BACH2: variants seen among roughly 807,000 people sequenced by gnomAD.
BACH2 encodes the protein transcription regulator protein BACH2.
In BACH2, 5 loss-of-function variants were observed where a neutral mutation model predicts 61.8. That is an observed-to-expected ratio of 0.08 (90% confidence interval 0.04 to 0.17). The LOEUF is 0.17. BACH2 is among the 10% of genes least tolerant of loss of function. The probability of loss-of-function intolerance (pLI) is 1.00; values close to 1 mark genes in which losing one functional copy is unlikely to be tolerated. For synonymous variants in BACH2, 446 were observed against 440.1 expected (o/e 1.01, Z -0.17); for missense variants, 824 against 1,091.1 (o/e 0.76, Z 3.45).
chr6:90,136,397 G>C (rs1442644863), intron 4 of BACH2, among the ~76,000 whole-genome samples: 1 of 152,182 alleles, frequency 6.6e-6, no homozygotes, highest in Non-Finnish European at 1.5e-5. Flanking sequence ...CGGAATCTCT[G>C]ACAAATCATT....
chr6:90,008,646 C>T lies in BACH2; in HGVS notation c.199G>A (p.Val67Ile), dbSNP rs748584222. 1 of 1,614,232 alleles carries T rather than the reference C, an allele frequency of 6.2e-7. No homozygotes were observed. Among genetic ancestry groups the T allele is most frequent in the Non-Finnish European group, 8.5e-7 (1 of 1,180,040 alleles). Reference sequence around the variant, plus strand: ...ACCAAATCATTTTTTGTCTGTCCAACCAGCGCCTGCCAAAAATATTCACTG... The same window carrying T: ...ACCAAATCATTTTTTGTCTGTCCAATCAGCGCCTGCCAAAAATATTCACTG... ...ACSEYFWQAL[V>I]GQTKNDLVVS... Residue 67 changes from valine to isoleucine, a missense_variant, in exon 6 of 9, where the codon GTT becomes ATT. Physicochemically the swap from Val to Ile is conservative, Grantham distance 29. Transcript: ENST00000257749. The surrounding 1 kb of genome is among the most constrained non-coding windows in gnomAD (Gnocchi z 4.1).
chr6:90,185,307 G>T (rs1768317296), intron 4 of BACH2, among the ~76,000 whole-genome samples: 1 of 151,996 alleles, frequency 6.6e-6, no homozygotes, highest in Non-Finnish European at 1.5e-5. Flanking sequence ...CTGTTTCAGG[G>T]GACCGAAAGC....
chr6:90,050,830 C>T (rs369728907), intron 5 of BACH2, among the ~76,000 whole-genome samples: 16 of 150,926 alleles, frequency 1.1e-4, no homozygotes, highest in South Asian at 6.3e-4. Flanking sequence ...AGTGCAATGG[C>T]GCGATCTCGG....
At chr6:90,007,605 G>A (rs1163101516) in intron 6 of BACH2, among the ~76,000 whole-genome samples, 1 of 152,142 alleles carries the variant, frequency 6.6e-6, no homozygotes. Flanking sequence ...TGTGACTTCT[G>A]TGATTTAATA....
chr6:90,102,827 TAATAATAATAATAAA>T (rs1782710495), intron 4 of BACH2, among the ~76,000 whole-genome samples: 1 of 137,256 alleles, frequency 7.3e-6, no homozygotes, highest in African/African-American at 2.8e-5. Context: ...ATAATAATAA[TAATAATAATAATAAA>T]AATAAAAGGA....
rs200345717 is a variant in BACH2, at chr6:90,018,422, T to C, written c.-12-9566A>G. Among the ~76,000 whole-genome samples the C allele has an allele frequency of 2.5e-3, 376 of 152,348 alleles. 2 individuals are homozygous for C. The highest frequency in any genetic ancestry group is 0.014 in the Middle Eastern group (4 of 294). On this transcript the variant is annotated intron_variant, in intron 5 of 8. Coordinates refer to ENST00000257749, the MANE Select transcript of BACH2 (RefSeq NM_021813.4). ...CCTAGAAACTCTCAAAGCAGTATGCTGAGTTCAGTTTGTTTTCCTTTCCTG... is the reference window on the plus strand; with the variant it reads ...CCTAGAAACTCTCAAAGCAGTATGCCGAGTTCAGTTTGTTTTCCTTTCCTG...
intron 7 of BACH2, among the ~76,000 whole-genome samples, chr6:89,949,011 G>C (rs1486177560): frequency 6.6e-6 from 1 of 152,150 alleles, no homozygotes; most frequent in Non-Finnish European, 1.5e-5. Context: ...AGGGGCCTTT[G>C]GCATCTATTT....
intron 4 of BACH2, among the ~76,000 whole-genome samples, chr6:90,131,787 A>C (rs569731502): frequency 6.6e-6 from 1 of 152,322 alleles, no homozygotes; most frequent in South Asian, 2.1e-4. Flanking sequence ...AGGGAACCCA[A>C]ATGATGAGGT....
At chr6:89,982,729 T>C (rs1164345686) in intron 6 of BACH2, among the ~76,000 whole-genome samples, 1 of 152,178 alleles carries the variant, frequency 6.6e-6, no homozygotes, top group Non-Finnish European at 1.5e-5. Context: ...TGAGGTATTA[T>C]GATTCTTATT....
chr6:90,015,790 G>C, intron 5 of BACH2, among the ~76,000 whole-genome samples: 1 of 152,148 alleles, frequency 6.6e-6, no homozygotes, highest in East Asian at 1.9e-4. Context: ...TGTATGATGA[G>C]TGTTGTTCAA....
rs773007535 is a variant in BACH2 at position 89,932,530 on chromosome 6, C to T, written c.2404G>A (p.Gly802Arg). 6.2e-7 allele frequency: 1 copy of T among 1,614,026 alleles called. No individual in the cohort carries two copies. The highest frequency in any genetic ancestry group is 8.5e-7 in the Non-Finnish European group (1 of 1,180,006). The change falls in exon 9 of 9, where the codon GGA becomes AGA. Residue 802 changes from glycine (G) to arginine (R), a missense_variant. Around this residue, in one of 8 missense-constraint regions of BACH2, gnomAD observed 135 missense variants for 142.7 expected, o/e 0.95. Transcript: ENST00000257749. ...SGRRLEGTDPGTFSERGPPLE... is the reference protein window; with the variant it reads ...SGRRLEGTDPRTFSERGPPLE... The stretch of plus-strand genomic sequence containing the variant: ...GGAGGTCCTCTCTCTGAGAAGGTTC[C>T]CGGGTCAGTGCCTTCTAGTCTCCTC...
At chr6:89,935,799 G>A (rs182711296) in intron 8 of BACH2, among the ~76,000 whole-genome samples, 7 of 152,292 alleles carry the variant, frequency 4.6e-5, no homozygotes, top group Admixed American at 4.6e-4. Flanking sequence ...GTGGGTGACT[G>A]AAGTTATTTT....
chr6:89,967,529 C>G (rs1775108673), intron 6 of BACH2, among the ~76,000 whole-genome samples: 1 of 152,162 alleles, frequency 6.6e-6, no homozygotes, highest in Non-Finnish European at 1.5e-5. Flanking sequence ...ACTATTATAG[C>G]AAGAAATGTC....
At chr6:90,189,381 G>T (rs1406471586) in intron 4 of BACH2, among the ~76,000 whole-genome samples, 2 of 151,784 alleles carry the variant, frequency 1.3e-5, no homozygotes, top group Non-Finnish European at 2.9e-5. Flanking sequence ...GGCCGAGGCG[G>T]GTGGATCATG....
At chr6:90,041,210 G>A (rs2127791202) in intron 5 of BACH2, among the ~76,000 whole-genome samples, 1 of 152,164 alleles carries the variant, frequency 6.6e-6, no homozygotes, top group East Asian at 1.9e-4. Context: ...CCAGTAATGG[G>A]ACTGCTGGGC....
Position 89,929,831 on chromosome 6 carries a change from A to G in BACH2, c.*2577T>C, listed in dbSNP as rs895919902. 1 of 152,340 alleles carries G rather than the reference A, an allele frequency of 6.6e-6. No homozygotes were observed. Among genetic ancestry groups the G allele is most frequent in the Non-Finnish European group, 1.5e-5 (1 of 68,054 alleles). 9.4% of individuals were successfully genotyped at this position (152,340 alleles called of 1,614,324 possible). On this transcript the variant is annotated 3_prime_UTR_variant, in exon 9 of 9. Coordinates refer to ENST00000257749, the MANE Select transcript of BACH2 (RefSeq NM_021813.4). ...CCAAGAAGCTGGGTTGGACCTGGTT[A>G]TGATATGAGCAGAAAGTGTTCTTTT...
intron 5 of BACH2, among the ~76,000 whole-genome samples, chr6:90,086,293 T>C (rs759687548): frequency 1.3e-5 from 2 of 152,190 alleles, no homozygotes; most frequent in Non-Finnish European, 2.9e-5. Flanking sequence ...GCTATGAACA[T>C]GGTTGTACAC....
intron 4 of BACH2, among the ~76,000 whole-genome samples, chr6:90,107,840 C>T (rs999667909): frequency 5.9e-5 from 9 of 152,030 alleles, no homozygotes; most frequent in Non-Finnish European, 1.3e-4. Flanking sequence ...AAGGGAATTT[C>T]TTTTTATCAT....
intron 4 of BACH2, among the ~76,000 whole-genome samples, chr6:90,111,281 C>CA (rs142581858): frequency 1.3e-5 from 2 of 152,074 alleles, no homozygotes; most frequent in African/African-American, 2.4e-5. Context: ...CCCGGGCTTG[C>CA]AAAAAAGCCT....
Sources: allele counts gnomAD v4.1 joint callset (sites outside exome capture counted in the v4.1 genomes callset), GRCh38; gene constraint gnomAD v4.1.1; regional missense constraint gnomAD v4.1.1; non-coding constraint Gnocchi (gnomAD v3.1); transcripts MANE v1.5; gene names NCBI Gene and HGNC (gene_info 2026-07-23, HGNC 2026-07-21).